RSAD1: variants seen among roughly 807,000 people sequenced by gnomAD.
The protein encoded by RSAD1 is radical S-adenosyl methionine domain containing 1, also known as radical S-adenosyl methionine domain-containing protein 1, mitochondrial.
Under a neutral mutation model 46.2 loss-of-function variants are expected in RSAD1, and 34 were observed. That is an observed-to-expected ratio of 0.74 (90% CI 0.56 to 0.98). The LOEUF (loss-of-function observed/expected upper bound fraction) is 0.98, where lower values mean the gene tolerates loss of function less well. Ranked by LOEUF, RSAD1 falls within the 50% of genes least tolerant of loss-of-function variation. RSAD1 has a pLI of 0.00. For synonymous variants in RSAD1, 260 were observed against 253.5 expected (o/e 1.03, Z -0.24); for missense variants, 635 against 592.3 (o/e 1.07, Z -0.75).
Position 50,478,889 on chromosome 17 carries a change from C to T in RSAD1, c.5C>T (p.Ala2Val), listed in dbSNP as rs2033342741. 1.5e-6 allele frequency: 2 copies of T among 1,307,346 alleles called. No individual in the cohort carries two copies. Among genetic ancestry groups the T allele is most frequent in the Non-Finnish European group, 9.7e-7 (1 of 1,035,454 alleles). 81.0% of individuals were successfully genotyped at this position (1,307,346 alleles called of 1,614,324 possible). The change falls in exon 1 of 9, where the codon GCG becomes GTG. Residue 2 changes from alanine to valine, a missense_variant. Ala to Val is a moderately conservative substitution (Grantham distance 64). Coordinates refer to ENST00000258955, the MANE Select transcript of RSAD1 (RefSeq NM_018346.3). M[A>V]LPGARARGWA... ...CGCCGCGCTGCGCTGGGCGCCATGGCGCTCCCCGGAGCCCGGGCTCGCGGC... is the reference window on the plus strand; with the variant it reads ...CGCCGCGCTGCGCTGGGCGCCATGGTGCTCCCCGGAGCCCGGGCTCGCGGC...
Position 50,478,971 on chromosome 17 carries a change from G to T in RSAD1, c.87G>T (p.Gly29=). The T allele has an allele frequency of 7.1e-7, 1 of 1,401,052 alleles. No homozygotes were observed. The highest frequency in any genetic ancestry group is 3.1e-5 in the Admixed American group (1 of 31,924). 86.8% of individuals were successfully genotyped at this position (1,401,052 alleles called of 1,614,324 possible). A position where few individuals can be genotyped will look rare whatever the true frequency, so the allele number is the denominator to read the frequency against. ...QRRRRVENAG[G]SPSPEPAGRR... is the part of the protein sequence containing the mutation. ...GCCGCCGCGTGGAGAACGCAGGAGG[G>T]TCCCCGAGTCCTGAGCCTGCGGGCC... is the stretch of plus-strand genomic sequence containing the variant. The change falls in exon 1 of 9, where the codon GGG becomes GGT. Residue 29 remains glycine (G), a synonymous_variant. Coordinates refer to ENST00000258955, the MANE Select transcript of RSAD1 (RefSeq NM_018346.3).
intron 7 of RSAD1, 41 bp downstream of exon 7, chr17:50,483,801 T>A (rs888687631): frequency 6.4e-7 from 1 of 1,565,022 alleles, no homozygotes. Context: ...CCTCCTAAAG[T>A]CTTGCAGAAT....
rs372700339 is a variant in RSAD1, at chr17:50,484,965, G to A, written c.*104G>A. 2.8e-4 allele frequency: 249 copies of A among 900,868 alleles called. 1 individual carries two copies. In the African/African-American group the frequency reaches 3.7e-3, roughly 13 times the overall value. 55.8% of individuals were successfully genotyped at this position (900,868 alleles called of 1,614,324 possible). ...TTGTCGGGTGCCGTCTCTGCTCCTT[G>A]TGGTTATTGCTCAGCCCTGGCATCC... On this transcript the variant is annotated 3_prime_UTR_variant, in exon 9 of 9. Coordinates refer to ENST00000258955, the MANE Select transcript of RSAD1 (RefSeq NM_018346.3).
Position 50,483,211 on chromosome 17 carries a change from A to AAGAAAAGAAAGAC in RSAD1, c.905-128_905-127insGAAAAGAAAGACA, listed in dbSNP as rs376878139. The AAGAAAAGAAAGAC allele has an allele frequency of 1.3e-3, 1,227 of 963,956 alleles. 8 individuals are homozygous for AAGAAAAGAAAGAC. The African/African-American group carries it at 0.023, about 18-fold the overall frequency. The allele number at this position is 963,956 out of a possible 1,614,324, so 59.7% of individuals were successfully genotyped here. On this transcript the variant is annotated intron_variant, in intron 5 of 8. Transcript: ENST00000258955. ...AAAAAAAGAAAGAAAGAAAGAAAGAAAAGAAAAGAAAAATAATTTATATTT... is the reference window on the plus strand; with the variant it reads ...AAAAAAAGAAAGAAAGAAAGAAAGAAAGAAAAGAAAGACAAGAAAAGAAAAATAATTTATATTT...
At chr17:50,482,775 C>T in intron 5 of RSAD1, 69 bp downstream of exon 5, 1 of 1,425,300 alleles carries the variant, frequency 7.0e-7, no homozygotes, top group East Asian at 2.3e-5. Context: ...ACTTGGGCCA[C>T]ATTAACCTCT....
intron 3 of RSAD1, chr17:50,480,530 G>A: frequency 5.0e-6 from 1 of 200,370 alleles, no homozygotes; most frequent in African/African-American, 2.3e-5. Flanking sequence ...GAGTTCACCA[G>A]GTGAGGGGGT....
In RSAD1 at chr17:50,482,373, G is replaced by A. The variant is rs183809461; in HGVS notation, c.757G>A (p.Ala253Thr). The change falls in exon 4 of 9, where the codon GCA (alanine) becomes ACA (threonine). Residue 253 changes from alanine (A) to threonine (T), a missense_variant. By Grantham distance (58) the Ala-to-Thr change is moderately conservative. Transcript: ENST00000258955. ...GALPAPDPELAAEMYQRGRAV... is the reference protein window; with the variant it reads ...GALPAPDPELTAEMYQRGRAV... ...CCTTCCAGCCCCTGACCCGGAGCTC[G>A]CAGCTGAGATGTACCAGAGGGGCCG... 7.5e-6 allele frequency: 12 copies of A among 1,609,120 alleles called. No homozygotes were observed. The highest frequency in any genetic ancestry group is 6.7e-5 in the East Asian group (3 of 44,854).
chr17:50,479,590 G>A, intron 1 of RSAD1, 39 bp from the exon 2 acceptor site: 1 of 1,611,812 alleles, frequency 6.2e-7, no homozygotes, highest in Non-Finnish European at 8.5e-7. Context: ...GAAGTGGCCA[G>A]GGCAGCTCTC....
chr17:50,482,503 A>G, intron 4 of RSAD1, 47 bp downstream of exon 4: 1 of 1,606,352 alleles, frequency 6.2e-7, no homozygotes, highest in Non-Finnish European at 8.5e-7. Flanking sequence ...GGCAGACTGC[A>G]GTGTGACCAG....
Position 50,482,381 on chromosome 17 carries a change from G to A in RSAD1, c.765G>A (p.Glu255=), listed in dbSNP as rs143489030. 392 of 1,607,280 alleles carry A rather than the reference G, an allele frequency of 2.4e-4. 1 individual carries two copies. The African/African-American group carries it at 4.5e-3, about 18-fold the overall frequency. Residue 255 remains glutamate, a synonymous_variant, in exon 4 of 9, where the codon GAG becomes GAA. Coordinates refer to ENST00000258955, the MANE Select transcript of RSAD1 (RefSeq NM_018346.3). ...CCCCTGACCCGGAGCTCGCAGCTGA[G>A]ATGTACCAGAGGGGCCGGGCTGTCC... is the stretch of plus-strand genomic sequence containing the variant. ...LPAPDPELAA[E]MYQRGRAVLR...
Position 50,478,892 on chromosome 17 carries a change from TC to T in RSAD1, c.12del (p.Gly5GlufsTer72). 2.3e-6 allele frequency: 3 copies of T among 1,308,340 alleles called. No homozygotes were observed. Among genetic ancestry groups the T allele is most frequent in the South Asian group, 4.7e-5 (2 of 42,716 alleles). The allele number at this position is 1,308,340 out of a possible 1,614,324, so 81.0% of individuals were successfully genotyped here. MALPGARARGWAA... is the reference protein window; with the variant it reads MAXPGARARGWAA... The stretch of plus-strand genomic sequence containing the variant: ...CGCGCTGCGCTGGGCGCCATGGCGC[TC>T]CCCGGAGCCCGGGCTCGCGGCTGGG... On this transcript the variant is annotated frameshift_variant, in exon 1 of 9. Coordinates refer to ENST00000258955, the MANE Select transcript of RSAD1 (RefSeq NM_018346.3). LOFTEE classifies it high-confidence loss of function.
intron 3 of RSAD1, among the ~76,000 whole-genome samples, chr17:50,481,044 A>G (rs1260314223): frequency 2.0e-5 from 3 of 152,192 alleles, no homozygotes; most frequent in Admixed American, 6.5e-5. Context: ...TTAAATAATT[A>G]TAATTCGTAA....
chr17:50,481,346 A>C (rs1172500279), intron 3 of RSAD1, among the ~76,000 whole-genome samples: 2 of 152,246 alleles, frequency 1.3e-5, no homozygotes, highest in East Asian at 3.8e-4. Flanking sequence ...ATGTAAGAGA[A>C]TGTCCTTGTT....
chr17:50,483,674 T>C, intron 6 of RSAD1, 32 bp from the exon 7 acceptor site: 2 of 1,612,992 alleles, frequency 1.2e-6, no homozygotes, highest in Non-Finnish European at 1.7e-6. Context: ...ACAGGCCTCC[T>C]CTCTAAGACT....
In RSAD1 at chr17:50,485,542, A is replaced by G. The variant is rs1677798544; in HGVS notation, c.*681A>G. Reference sequence around the variant, plus strand: ...ATCATGGTTTCTAGAAGTGCCTCTCATTAGTGGACTTTAAAGCAAATCCTG... The same window carrying G: ...ATCATGGTTTCTAGAAGTGCCTCTCGTTAGTGGACTTTAAAGCAAATCCTG... On this transcript the variant is annotated 3_prime_UTR_variant, in exon 9 of 9. Transcript: ENST00000258955. 6.6e-6 allele frequency: 1 copy of G among 152,358 alleles called. No homozygotes were observed. The highest frequency in any genetic ancestry group is 2.4e-5 in the African/African-American group (1 of 41,474). 9.4% of individuals were successfully genotyped at this position (152,358 alleles called of 1,614,324 possible). A position where few individuals can be genotyped will look rare whatever the true frequency, so the allele number is the denominator to read the frequency against.
At chr17:50,482,592 A>G (rs1330302017) in intron 4 of RSAD1, 51 bp from the exon 5 acceptor site, 1 of 1,613,256 alleles carries the variant, frequency 6.2e-7, no homozygotes, top group East Asian at 2.2e-5. Context: ...ACCTGAGTCT[A>G]AAAATGAGGC....
intron 3 of RSAD1, chr17:50,480,560 C>A: frequency 5.4e-6 from 1 of 184,898 alleles, no homozygotes; most frequent in South Asian, 1.0e-4. Context: ...ACGACACAGG[C>A]CATGGAAGAG....
At position 50,482,748 on chromosome 17, in the gene RSAD1, A is replaced by G. The variant is rs745528612; in HGVS notation, c.904+42A>G. 1.3e-5 allele frequency: 20 copies of G among 1,585,692 alleles called. No individual in the cohort carries two copies. The Admixed American group carries it at 3.3e-4, about 26-fold the overall frequency. On this transcript the variant is annotated intron_variant, in intron 5 of 8. Coordinates refer to ENST00000258955, the MANE Select transcript of RSAD1 (RefSeq NM_018346.3). ...ACAGAAAGGGTGACTCAGGAGAGGA[A>G]TGTCGTGGCTGTGTGAACTTGGGCC...
intron 2 of RSAD1, 31 bp from the exon 3 acceptor site, chr17:50,479,849 C>G: frequency 6.3e-7 from 1 of 1,599,556 alleles, no homozygotes; most frequent in Non-Finnish European, 8.5e-7. Flanking sequence ...AGGGCTCCCC[C>G]AGGTCTCATT....
Sources: allele counts gnomAD v4.1 joint callset (sites outside exome capture counted in the v4.1 genomes callset), GRCh38; gene constraint gnomAD v4.1.1; transcripts MANE v1.5; gene names NCBI Gene and HGNC (gene_info 2026-07-23, HGNC 2026-07-21).